SCAF11: variants seen among roughly 807,000 people sequenced by gnomAD.
The protein encoded by SCAF11 is protein SCAF11.
SCAF11 carries 47 observed loss-of-function variants against 140.5 expected under a neutral mutation model. That is an observed-to-expected ratio of 0.33 (90% CI 0.26 to 0.43). The LOEUF is 0.43. Ranked by LOEUF, SCAF11 falls within the 20% of genes least tolerant of loss-of-function variation. The pLI is 1.00. For missense variants in SCAF11, 1,645 were observed against 1,705.1 expected, an observed-to-expected ratio of 0.96 and a Z score of 0.62; for synonymous variants, 557 against 579.4, an observed-to-expected ratio of 0.96 and a Z score of 0.55.
chr12:45,989,975 T>TC (rs35425343), intron 1 of SCAF11, among the ~76,000 whole-genome samples: 1,908 of 137,940 alleles, frequency 0.014, 25 homozygotes, highest in South Asian at 0.027. Context: ...TGGAGCCCCT[T>TC]CCCCCCCCCC....
chr12:45,944,589 CAG>C (rs1370414936), intron 6 of SCAF11, among the ~76,000 whole-genome samples: 1 of 152,182 alleles, frequency 6.6e-6, no homozygotes, highest in Non-Finnish European at 1.5e-5. Flanking sequence ...CGCTTACAAA[CAG>C]ATCATAGTAA....
chr12:45,972,903 T>G lies in SCAF11; in HGVS notation c.-21-8715A>C, dbSNP rs11183261. 3.8e-3 allele frequency among the ~76,000 whole-genome samples: 379 copies of G among 98,706 alleles called. 17 individuals carry two copies. Among genetic ancestry groups the G allele is most frequent in the Middle Eastern group, 9.1e-3 (2 of 220 alleles). 64.8% of individuals were successfully genotyped at this position (98,706 alleles called of 152,430 possible). On this transcript the variant is annotated intron_variant, in intron 1 of 14. Coordinates refer to ENST00000369367, the MANE Select transcript of SCAF11 (RefSeq NM_004719.3). ...ATAGATATATATATAGATATATATATATATAGATATATATATAGATATATA... is the reference window on the plus strand; with the variant it reads ...ATAGATATATATATAGATATATATAGATATAGATATATATATAGATATATA...
At chr12:45,924,659 A>T in intron 12 of SCAF11, 69 bp downstream of exon 12, 1 of 1,277,168 alleles carries the variant, frequency 7.8e-7, no homozygotes, top group Non-Finnish European at 1.1e-6. Flanking sequence ...CTTTTTTTGA[A>T]CATCTGTCAT....
chr12:45,949,939 C>G (rs1323944987), intron 4 of SCAF11, among the ~76,000 whole-genome samples: 1 of 151,950 alleles, frequency 6.6e-6, no homozygotes, highest in African/African-American at 2.4e-5. Flanking sequence ...AATGAAGATC[C>G]TATGAGTCCT....
Position 45,927,978 on chromosome 12 carries a change from C to T in SCAF11, c.1723G>A (p.Val575Ile). Residue 575 changes from valine to isoleucine, a missense_variant, in exon 11 of 15, where the codon GTA becomes ATA. This residue lies in a region of SCAF11 where 1,582 missense variants were observed against 1,609.2 expected (regional missense o/e 0.98). Transcript: ENST00000369367. ...SCPLSDLSEN[V>I]ESVVNEEKIT... Reference sequence around the variant, plus strand: ...TTTTCTTCATTAACCACTGACTCTACATTCTCAGATAAGTCACTTAGGGGA... The same window carrying T: ...TTTTCTTCATTAACCACTGACTCTATATTCTCAGATAAGTCACTTAGGGGA... The T allele has an allele frequency of 2.5e-6, 4 of 1,613,210 alleles. No individual in the cohort carries two copies. The highest frequency in any genetic ancestry group is 2.2e-5 in the East Asian group (1 of 44,858).
intron 1 of SCAF11, among the ~76,000 whole-genome samples, chr12:45,979,089 G>A (rs974061387): frequency 1.3e-5 from 1 of 75,218 alleles, no homozygotes; most frequent in African/African-American, 5.3e-5. Flanking sequence ...GGGGCTTTTA[G>A]GAGGTGATTA....
At chr12:45,935,452 T>C (rs1281666576) in intron 6 of SCAF11, among the ~76,000 whole-genome samples, 1 of 152,196 alleles carries the variant, frequency 6.6e-6, no homozygotes, top group Non-Finnish European at 1.5e-5. Flanking sequence ...TAAAAGATGA[T>C]ACGCTGATTT....
intron 6 of SCAF11, among the ~76,000 whole-genome samples, chr12:45,934,789 T>C (rs892379357): frequency 5.9e-5 from 9 of 152,190 alleles, no homozygotes; most frequent in African/African-American, 2.2e-4. Flanking sequence ...TAATCAACAT[T>C]TTCTGCTACC....
At chr12:45,988,977 C>A (rs1187232493) in intron 1 of SCAF11, among the ~76,000 whole-genome samples, 1 of 152,146 alleles carries the variant, frequency 6.6e-6, no homozygotes, top group African/African-American at 2.4e-5. Context: ...TTCAAGATTT[C>A]ATTTCTCTTG....
intron 3 of SCAF11, among the ~76,000 whole-genome samples, chr12:45,952,611 G>A (rs1185694399): frequency 1.3e-5 from 2 of 152,078 alleles, no homozygotes; most frequent in Non-Finnish European, 2.9e-5. Context: ...TTTATTTCCT[G>A]TCCTTTTAAA....
chr12:45,925,184 G>A, intron 11 of SCAF11, 110 bp from the exon 12 acceptor site: 1 of 720,790 alleles, frequency 1.4e-6, no homozygotes. Context: ...AATAGGCTCA[G>A]TATACCAATA....
chr12:45,924,280 T>C lies in SCAF11; in HGVS notation c.3906+448A>G, dbSNP rs575155254. On this transcript the variant is annotated intron_variant, in intron 12 of 14. Transcript: ENST00000369367. ...TAAATTCATGAAAATGAAACACAGATGGTAATGGATAATAAACAGCTTTAT... is the reference window on the plus strand; with the variant it reads ...TAAATTCATGAAAATGAAACACAGACGGTAATGGATAATAAACAGCTTTAT... 5.1e-4 allele frequency among the ~76,000 whole-genome samples: 78 copies of C among 152,320 alleles called. 1 individual carries two copies. Among genetic ancestry groups the C allele is most frequent in the African/African-American group, 1.8e-3 (73 of 41,574 alleles).
At position 45,928,504 on chromosome 12, in the gene SCAF11, T is replaced by C. The variant is rs143232826; in HGVS notation, c.1197A>G (p.Lys399=). 1.0e-4 allele frequency: 163 copies of C among 1,613,594 alleles called. No homozygotes were observed. In the African/African-American group the frequency reaches 2.1e-3, roughly 21 times the overall value. ...CATCTACTGAATCATTGGAAGATGA[T>C]TTTTCAGGGGCAGCTACAGAGCTCC... The part of the protein sequence containing the change: ...KLRSSVAAPE[K]SSSNDSVDEE... Residue 399 remains lysine, a synonymous_variant, in exon 11 of 15, where the codon AAA becomes AAG. Coordinates refer to ENST00000369367, the MANE Select transcript of SCAF11 (RefSeq NM_004719.3).
Position 45,923,856 on chromosome 12 carries a change from A to C in SCAF11, c.3907-702T>G, listed in dbSNP as rs187333276. 5.6e-3 allele frequency among the ~76,000 whole-genome samples: 810 copies of C among 145,024 alleles called. 6 individuals carry two copies. The highest frequency in any genetic ancestry group is 9.8e-3 in the Admixed American group (142 of 14,518). On this transcript the variant is annotated intron_variant, in intron 12 of 14. Transcript: ENST00000369367. Reference sequence around the variant, plus strand: ...ATCACCGCGCCTGGCTAATTTTTGTATTTTTTTTTTTCTAGACAGAGTCTT... The same window carrying C: ...ATCACCGCGCCTGGCTAATTTTTGTCTTTTTTTTTTTCTAGACAGAGTCTT...
chr12:45,942,630 C>T (rs1433584098), intron 6 of SCAF11, among the ~76,000 whole-genome samples: 1 of 152,176 alleles, frequency 6.6e-6, no homozygotes, highest in Non-Finnish European at 1.5e-5. Flanking sequence ...CTGTCTCAGG[C>T]TTTTACACTT....
At position 45,920,535 on chromosome 12, in the gene SCAF11, T is replaced by C. The variant is rs1158538400; in HGVS notation, c.*1513A>G. The C allele has an allele frequency of 6.6e-6, 1 of 152,446 alleles. No individual in the cohort carries two copies. The highest frequency in any genetic ancestry group is 6.6e-5 in the Admixed American group (1 of 15,252). The allele number at this position is 152,446 out of a possible 1,614,324, so 9.4% of individuals were successfully genotyped here. A position where few individuals can be genotyped will look rare whatever the true frequency, so the allele number is the denominator to read the frequency against. ...ACCTACTGTTCTTTCAAGATGCCAG[T>C]TAAAATAATGGCACAATAAACATTT... On this transcript the variant is annotated 3_prime_UTR_variant, in exon 15 of 15. Transcript: ENST00000369367.
rs144389375 is a variant in SCAF11, at chr12:45,950,124, C to T, written c.297+1526G>A. On this transcript the variant is annotated intron_variant, in intron 4 of 14. Coordinates refer to ENST00000369367, the MANE Select transcript of SCAF11 (RefSeq NM_004719.3). ...TTAGAGGGTAGTCAGCAGCACTACA[C>T]GCAGAAAACAAACCATGGAATGTGG... Among the ~76,000 whole-genome samples the T allele has an allele frequency of 3.9e-3, 594 of 152,174 alleles. 8 individuals carry two copies. Among genetic ancestry groups the T allele is most frequent in the South Asian group, 0.032 (156 of 4,808 alleles).
At chr12:45,984,204 C>T (rs1356000264) in intron 1 of SCAF11, among the ~76,000 whole-genome samples, 6 of 152,046 alleles carry the variant, frequency 3.9e-5, no homozygotes, top group African/African-American at 1.4e-4. Flanking sequence ...TGGAACAGTC[C>T]CCCAGTCTTG....
intron 12 of SCAF11, among the ~76,000 whole-genome samples, chr12:45,923,749 C>CT (rs1392116947): frequency 6.6e-6 from 1 of 152,134 alleles, no homozygotes; most frequent in Non-Finnish European, 1.5e-5. Flanking sequence ...GTGGCGCGAT[C>CT]TTGGCTCACT....
Sources: allele counts gnomAD v4.1 joint callset (sites outside exome capture counted in the v4.1 genomes callset), GRCh38; gene constraint gnomAD v4.1.1; regional missense constraint gnomAD v4.1.1; transcripts MANE v1.5; gene names NCBI Gene and HGNC (gene_info 2026-07-23, HGNC 2026-07-21).